Variants in CCAR1 observed in about 807,000 individuals in gnomAD.
CCAR1 encodes cell division cycle and apoptosis regulator 1.
Under a neutral mutation model 163.8 loss-of-function variants are expected in CCAR1, and 78 were observed. The observed-to-expected ratio is 0.48, with a 90% confidence interval of 0.40 to 0.57. CCAR1 has a LOEUF of 0.57. CCAR1 is among the 20% of genes least tolerant of loss of function. CCAR1 has a pLI of 0.00. For synonymous variants in CCAR1, 443 were observed against 460.7 expected, an observed-to-expected ratio of 0.96 and a Z score of 0.49; for missense variants, 1,019 against 1,365.2, an observed-to-expected ratio of 0.75 and a Z score of 4.00.
intron 17 of CCAR1, among the ~76,000 whole-genome samples, chr10:68,768,348 G>A (rs182662197): frequency 1.1e-3 from 169 of 151,716 alleles, no homozygotes; most frequent in Middle Eastern, 3.4e-3. Context: ...AGTGGCTCAT[G>A]CCTGTAATCA....
chr10:68,786,043 CTGAGTAGCTGGGA>C, intron 19 of CCAR1, 80 bp from the exon 20 acceptor site: 1 of 807,284 alleles, frequency 1.2e-6, no homozygotes, highest in South Asian at 1.5e-5. Flanking sequence ...CCTGGCCCTC[CTGAGTAGCTGGGA>C]TAACAGTCAT....
intron 16 of CCAR1, among the ~76,000 whole-genome samples, chr10:68,762,788 T>G (rs1162668643): frequency 6.6e-6 from 1 of 152,062 alleles, no homozygotes; most frequent in African/African-American, 2.4e-5. Flanking sequence ...TGTGAAAAAT[T>G]CTCGAAGCTT....
rs7899528 is a variant in CCAR1, at chr10:68,767,413, A to G, written c.2298+1334A>G. 5.7e-3 allele frequency among the ~76,000 whole-genome samples: 874 copies of G among 152,034 alleles called. 12 individuals carry two copies. The highest frequency in any genetic ancestry group is 0.02 in the African/African-American group (832 of 41,458). On this transcript the variant is annotated intron_variant, in intron 17 of 24. Transcript: ENST00000265872. ...CTCCCGGGTAGCTGAGATTACAGGC[A>G]TCTGCCACAATGCCTGGCTAATTTT... is the stretch of plus-strand genomic sequence containing the variant.
intron 19 of CCAR1, among the ~76,000 whole-genome samples, chr10:68,777,183 C>T (rs1045777234): frequency 1.3e-5 from 2 of 152,108 alleles, no homozygotes; most frequent in African/African-American, 4.8e-5. Flanking sequence ...TTACGAATTC[C>T]ACTAATTTGA....
intron 19 of CCAR1, among the ~76,000 whole-genome samples, chr10:68,781,817 C>G (rs1441947885): frequency 6.7e-6 from 1 of 149,112 alleles, no homozygotes; most frequent in Non-Finnish European, 1.5e-5. Flanking sequence ...TGCCACTGTA[C>G]TCCAGCCTGG....
rs181516167 is a variant in CCAR1 at position 68,776,101 on chromosome 10, T to G, written c.2650+3002T>G. ...GCCTCAGCCTCCCAAAGTGCTGGGT[T>G]TATAGGCATGAGCCACTGACCCCAG... is the stretch of plus-strand genomic sequence containing the variant. On this transcript the variant is annotated intron_variant, in intron 19 of 24. Transcript: ENST00000265872. 3.3e-3 allele frequency among the ~76,000 whole-genome samples: 501 copies of G among 152,238 alleles called. 3 individuals carry two copies. Among genetic ancestry groups the G allele is most frequent in the African/African-American group, 0.012 (479 of 41,544 alleles).
At chr10:68,752,883 A>AATAGATAGATAGATAG (rs36140870) in intron 10 of CCAR1, among the ~76,000 whole-genome samples, 59 of 142,408 alleles carry the variant, frequency 4.1e-4, no homozygotes, top group Admixed American at 1.0e-3. Context: ...GATAGGATAG[A>AATAGATAGATAGATAG]ATAGATAGAT....
At chr10:68,740,156 G>C (rs773644332) in intron 4 of CCAR1, among the ~76,000 whole-genome samples, 1 of 152,124 alleles carries the variant, frequency 6.6e-6, no homozygotes, top group Admixed American at 6.5e-5. Flanking sequence ...CATTTCTGTA[G>C]CATGGTAATC....
rs1334579787 is a variant in CCAR1, at chr10:68,771,280, G to A, written c.2373G>A (p.Leu791=). The A allele has an allele frequency of 6.2e-7, 1 of 1,606,826 alleles. No homozygotes were observed. The highest frequency in any genetic ancestry group is 8.5e-7 in the Non-Finnish European group (1 of 1,176,416). Residue 791 remains leucine, a synonymous_variant, in exon 18 of 25, where the codon CTG becomes CTA. Transcript: ENST00000265872. ...GTGTCCGTATATACAAATCATTACT[G>A]TCTCTTCCTGAGAAAGAGGACAAAA... ...DFGVRIYKSL[L]SLPEKEDKKE...
intron 16 of CCAR1, among the ~76,000 whole-genome samples, chr10:68,765,112 T>C (rs2056520730): frequency 6.6e-6 from 1 of 152,258 alleles, no homozygotes; most frequent in South Asian, 2.1e-4. Context: ...TGAAGTTTGC[T>C]GTTCCTTTTG....
intron 2 of CCAR1, among the ~76,000 whole-genome samples, chr10:68,731,444 G>A (rs1207711074): frequency 2.0e-5 from 3 of 152,088 alleles, no homozygotes; most frequent in Admixed American, 2.0e-4. Context: ...ATTTATAAAA[G>A]ATATAATCAC....
At chr10:68,787,860 AG>A in intron 21 of CCAR1, 66 bp from the exon 22 acceptor site, 1 of 1,443,400 alleles carries the variant, frequency 6.9e-7, no homozygotes, top group Non-Finnish European at 9.5e-7. Flanking sequence ...ATTATATCAT[AG>A]TTTTTCTAAG....
intron 19 of CCAR1, among the ~76,000 whole-genome samples, chr10:68,780,761 C>T (rs1295843541): frequency 6.6e-6 from 1 of 152,150 alleles, no homozygotes; most frequent in Non-Finnish European, 1.5e-5. Flanking sequence ...GATCTGTGAT[C>T]AGTGATCTTT....
intron 19 of CCAR1, among the ~76,000 whole-genome samples, chr10:68,782,805 C>T (rs946830545): frequency 8.6e-5 from 13 of 151,940 alleles, no homozygotes; most frequent in Admixed American, 3.3e-4. Context: ...ATCATGTAAC[C>T]GACGTTTTTA....
At chr10:68,746,940 G>A (rs1388182494) in intron 6 of CCAR1, among the ~76,000 whole-genome samples, 1 of 151,922 alleles carries the variant, frequency 6.6e-6, no homozygotes, top group Non-Finnish European at 1.5e-5. Context: ...TGTGCACAAT[G>A]TGCAGGTTAG....
Position 68,779,230 on chromosome 10 carries a change from A to G in CCAR1, c.2650+6131A>G, listed in dbSNP as rs188710681. ...GTATTAAATGGTGTTGAATTTTGTT[A>G]GTAATTAGGAGAGCAGATAACAATA... On this transcript the variant is annotated intron_variant, in intron 19 of 24. Transcript: ENST00000265872. Among the ~76,000 whole-genome samples the G allele has an allele frequency of 3.3e-5, 5 of 150,918 alleles. No homozygotes were observed. In the Admixed American group the frequency reaches 3.4e-4, roughly 10 times the overall value.
At chr10:68,727,218 G>C (rs534570979) in intron 2 of CCAR1, among the ~76,000 whole-genome samples, 1 of 151,260 alleles carries the variant, frequency 6.6e-6, no homozygotes, top group Admixed American at 6.6e-5. Context: ...CTACAGGCGC[G>C]TGCCACCACT....
intron 19 of CCAR1, among the ~76,000 whole-genome samples, chr10:68,782,832 C>T (rs530402879): frequency 5.3e-5 from 8 of 152,068 alleles, no homozygotes; most frequent in South Asian, 2.1e-4. Context: ...ATTTTAAGCC[C>T]GCTGTTGAGA....
intron 2 of CCAR1, among the ~76,000 whole-genome samples, chr10:68,731,207 A>G (rs1255941968): frequency 1.3e-5 from 2 of 152,198 alleles, no homozygotes; most frequent in Middle Eastern, 3.2e-3. Flanking sequence ...TATGTGTGTG[A>G]GGGAGATTAA....
Sources: gnomAD v4.1 joint callset for allele counts (sites outside exome capture counted in the v4.1 genomes callset) on GRCh38, gnomAD v4.1.1 for gene constraint, MANE v1.5 for transcripts, NCBI Gene and HGNC (gene_info 2026-07-23, HGNC 2026-07-21) for gene names.